Variants in ZNF385D observed in about 807,000 individuals in gnomAD.
ZNF385D encodes the protein zinc finger protein 659.
ZNF385D carries 15 observed loss-of-function variants against 35.8 expected under a neutral mutation model. The observed-to-expected ratio is 0.42, with a 90% confidence interval of 0.28 to 0.64. The LOEUF (loss-of-function observed/expected upper bound fraction) is 0.64. ZNF385D is among the 30% of genes least tolerant of loss of function. The pLI is 0.23. For synonymous variants in ZNF385D, 212 were observed against 186.8 expected (o/e 1.13, Z -1.10); for missense variants, 474 against 494.6 (o/e 0.96, Z 0.39).
intron 3 of ZNF385D, among the ~76,000 whole-genome samples, chr3:21,987,903 CTTCATTTCA>C (rs1159869938): frequency 6.9e-6 from 1 of 145,228 alleles, no homozygotes; most frequent in Admixed American, 6.7e-5. Context: ...TCCCTTCTCA[CTTCATTTCA>C]TTCATTTCAT....
At chr3:21,528,074 A>C (rs1395853105) in intron 3 of ZNF385D, among the ~76,000 whole-genome samples, 1 of 152,196 alleles carries the variant, frequency 6.6e-6, no homozygotes, top group Non-Finnish European at 1.5e-5. Flanking sequence ...CAGAGGCGAG[A>C]TTTGAAACCA....
rs550542110 is a variant in ZNF385D at position 21,519,410 on chromosome 3, A to G, written c.277-8387T>C. 2.0e-5 allele frequency among the ~76,000 whole-genome samples: 3 copies of G among 152,336 alleles called. No homozygotes were observed. The East Asian group carries it at 5.8e-4, about 29-fold the overall frequency. ...TAACATTAGGTATTTAATGTTTTCA[A>G]GTATCTAAAGTGAATGATATAGTAG... On this transcript the variant is annotated intron_variant, in intron 3 of 7. Transcript: ENST00000281523.
intron 2 of ZNF385D, among the ~76,000 whole-genome samples, chr3:22,181,310 T>C (rs1695253468): frequency 6.6e-6 from 1 of 152,154 alleles, no homozygotes; most frequent in South Asian, 2.1e-4. Flanking sequence ...TACTCTAGGA[T>C]GGCCCCTCTA....
intron 1 of ZNF385D, among the ~76,000 whole-genome samples, chr3:21,668,771 AAT>A (rs1312695912): frequency 6.6e-6 from 1 of 152,234 alleles, no homozygotes; most frequent in African/African-American, 2.4e-5. Context: ...CGGCAAATAT[AAT>A]ATGTTTCATC....
chr3:21,717,212 C>G (rs1481155354), intron 1 of ZNF385D, among the ~76,000 whole-genome samples: 1 of 152,154 alleles, frequency 6.6e-6, no homozygotes, highest in Non-Finnish European at 1.5e-5. Flanking sequence ...TAGGCACTGA[C>G]TGAAAAAATA....
intron 3 of ZNF385D, among the ~76,000 whole-genome samples, chr3:22,150,338 A>C (rs1705142503): frequency 6.6e-6 from 1 of 152,236 alleles, no homozygotes; most frequent in South Asian, 2.1e-4. Context: ...AAACATGAAT[A>C]GTTTTGCTTT....
At chr3:22,064,643 A>G (rs11709408) in intron 3 of ZNF385D, among the ~76,000 whole-genome samples, 100,618 of 152,054 alleles carry the variant, frequency 0.66, 34,154 homozygotes, top group African/African-American at 0.81. Flanking sequence ...ACAACACCAC[A>G]GATGAACCTG....
intron 3 of ZNF385D, among the ~76,000 whole-genome samples, chr3:21,835,368 G>A (rs189494902): frequency 1.8e-4 from 27 of 151,972 alleles, no homozygotes; most frequent in Non-Finnish European, 3.1e-4. Flanking sequence ...AATTTGCTTA[G>A]GATGAGTTTT....
At chr3:21,991,278 G>A (rs1443547473) in intron 3 of ZNF385D, among the ~76,000 whole-genome samples, 2 of 152,068 alleles carry the variant, frequency 1.3e-5, no homozygotes, top group African/African-American at 2.4e-5. Context: ...GTTTCTAAGG[G>A]ATTTTAAAAT....
intron 1 of ZNF385D, among the ~76,000 whole-genome samples, chr3:21,695,555 T>C (rs935491100): frequency 4.0e-4 from 61 of 152,236 alleles, no homozygotes; most frequent in African/African-American, 1.5e-3. Flanking sequence ...TAATGCCAGG[T>C]CTCTTTCTCA....
chr3:21,993,758 G>GA (rs1179232550), intron 3 of ZNF385D, among the ~76,000 whole-genome samples: 1 of 151,998 alleles, frequency 6.6e-6, no homozygotes, highest in Non-Finnish European at 1.5e-5. Flanking sequence ...TTGAAGCAGA[G>GA]AAAAAAAATT....
Position 21,774,545 on chromosome 3 carries a change from T to A in ZNF385D, c.326-109517A>T, listed in dbSNP as rs1019623020. ...AGGAGATGGGAAATAGGGAGTAGAG[T>A]CTCTATTCCATGGAATCACAAAGCC... On this transcript the variant is annotated intron_variant, in intron 3 of 5. Coordinates refer to the ZNF385D transcript ENST00000494108. Among the ~76,000 whole-genome samples the A allele has an allele frequency of 2.0e-5, 3 of 151,480 alleles. No homozygotes were observed. In the East Asian group the frequency reaches 5.9e-4, roughly 30 times the overall value.
At chr3:21,941,813 T>A (rs1701538638) in intron 3 of ZNF385D, among the ~76,000 whole-genome samples, 1 of 152,086 alleles carries the variant, frequency 6.6e-6, no homozygotes, top group Admixed American at 6.6e-5. Flanking sequence ...ATTTCTGTGT[T>A]ATGGCCCACC....
At chr3:21,599,456 G>A (rs985196133) in intron 2 of ZNF385D, among the ~76,000 whole-genome samples, 1 of 152,046 alleles carries the variant, frequency 6.6e-6, no homozygotes, top group East Asian at 1.9e-4. Flanking sequence ...TCCAAAGTTT[G>A]CATAGGAGAC....
chr3:21,982,884 G>A (rs1316556742), intron 3 of ZNF385D, among the ~76,000 whole-genome samples: 2 of 151,500 alleles, frequency 1.3e-5, no homozygotes, highest in South Asian at 2.1e-4. Context: ...TTTTTGTGAT[G>A]AATCACATTT....
intron 3 of ZNF385D, among the ~76,000 whole-genome samples, chr3:22,120,388 G>A (rs115626142): frequency 1.1e-3 from 166 of 152,134 alleles, no homozygotes; most frequent in African/African-American, 4.0e-3. Flanking sequence ...CTCTTCTTAT[G>A]AGGACACCAG....
At chr3:22,046,089 G>A (rs901565692) in intron 3 of ZNF385D, among the ~76,000 whole-genome samples, 1 of 143,126 alleles carries the variant, frequency 7.0e-6, no homozygotes, top group Admixed American at 6.9e-5. Flanking sequence ...GATGATAGTG[G>A]CTTAGCACAA....
At chr3:22,269,329 T>C (rs1701056433) in intron 2 of ZNF385D, among the ~76,000 whole-genome samples, 1 of 151,898 alleles carries the variant, frequency 6.6e-6, no homozygotes. Flanking sequence ...AAAGGTCCCC[T>C]AAGAGTTAAA....
At chr3:21,457,316 G>A (rs1308162142) in intron 4 of ZNF385D, among the ~76,000 whole-genome samples, 1 of 150,092 alleles carries the variant, frequency 6.7e-6, no homozygotes, top group Non-Finnish European at 1.5e-5. Context: ...ATAACTAGGT[G>A]ATTTAAGGAG....
Sources: gnomAD v4.1 joint callset for allele counts (sites outside exome capture counted in the v4.1 genomes callset) on GRCh38, gnomAD v4.1.1 for gene constraint, MANE v1.5 for transcripts, NCBI Gene and HGNC (gene_info 2026-07-23, HGNC 2026-07-21) for gene names.